The following ZNF746 variants were observed in gnomAD, a reference collection of about 807,000 sequenced individuals.
ZNF746 encodes parkin-interacting substrate.
In ZNF746, 13 loss-of-function variants were observed where a neutral mutation model predicts 41.0. The ratio of observed to expected loss-of-function variants is 0.32; its 90% confidence interval spans 0.21 to 0.50. ZNF746 has a LOEUF of 0.50. Among genes scored for constraint, ZNF746 ranks in the 20% least tolerant of loss-of-function variants. The probability of loss-of-function intolerance (pLI) is 0.98; values close to 1 mark genes in which losing one functional copy is unlikely to be tolerated. For missense variants in ZNF746, 811 were observed against 922.9 expected (o/e 0.88, Z 1.57); for synonymous variants, 424 against 396.2 (o/e 1.07, Z -0.83).
rs778587658 is a variant in ZNF746 at position 149,475,142 on chromosome 7, G to A, written c.1225C>T (p.Pro409Ser). The change falls in exon 7 of 7, where the codon CCG becomes TCG. Residue 409 changes from proline to serine, a missense_variant. Around this residue, in one of 4 missense-constraint regions of ZNF746, gnomAD observed 495 missense variants for 481.6 expected, o/e 1.03. Transcript: ENST00000458143. The stretch of plus-strand genomic sequence containing the variant: ...GGAAGCCCCTCGGGCCCCGTCCTCG[G>A]GTTCAGGCCCACTGGCGGTTTACAC... ...FRCKPPVGLN[P>S]RTGPEGLPYS... The A allele has an allele frequency of 5.0e-6, 8 of 1,612,586 alleles. No homozygotes were observed. In the Admixed American group the frequency reaches 1.3e-4, roughly 27 times the overall value.
intron 6 of ZNF746, among the ~76,000 whole-genome samples, 163 bp from the exon 7 acceptor site, chr7:149,475,646 G>A (rs1800276365): frequency 6.6e-6 from 1 of 152,184 alleles, no homozygotes; most frequent in African/African-American, 2.4e-5. Flanking sequence ...TGGTGGCTGT[G>A]AGGCTGCCTC....
Position 149,497,408 on chromosome 7 carries a change from C to A in ZNF746, c.24+105G>T. 9.9e-7 allele frequency: 1 copy of A among 1,014,956 alleles called. No individual in the cohort carries two copies. 62.9% of individuals were successfully genotyped at this position (1,014,956 alleles called of 1,614,324 possible). On this transcript the variant is annotated intron_variant, in intron 1 of 6. Transcript: ENST00000458143. This position sits in a 1 kb window ranked among gnomAD's most constrained non-coding sequence, Gnocchi z 4.2. ...GGGAGCCCCAGGCCCGGTGGTCCGG[C>A]CCGGACCCCGGAACCCCTCCCCAGG...
intron 6 of ZNF746, among the ~76,000 whole-genome samples, chr7:149,476,474 C>T (rs1800307318): frequency 6.6e-6 from 1 of 152,022 alleles, no homozygotes; most frequent in Non-Finnish European, 1.5e-5. Flanking sequence ...GACTGGTCTT[C>T]AAAACAGAAG....
intron 1 of ZNF746, among the ~76,000 whole-genome samples, chr7:149,495,467 G>C (rs1249445884): frequency 6.6e-6 from 1 of 152,124 alleles, no homozygotes; most frequent in Non-Finnish European, 1.5e-5. Context: ...CCGGCAGCTG[G>C]GACAAGGAAG....
Position 149,479,114 on chromosome 7 carries a change from A to C in ZNF746, c.566-1359T>G, listed in dbSNP as rs183898866. ...AAATGAGTAATGGCAATAGGTAAAG[A>C]AATAATGGTTGAGAATTTTCCAAAA... On this transcript the variant is annotated intron_variant, in intron 4 of 6. Coordinates refer to ENST00000458143, the MANE Select transcript of ZNF746 (RefSeq NM_001394198.1). Among the ~76,000 whole-genome samples, 269 of 151,940 alleles carry C rather than the reference A, an allele frequency of 1.8e-3. 1 individual carries two copies. Among genetic ancestry groups the C allele is most frequent in the Non-Finnish European group, 2.0e-3 (136 of 67,972 alleles).
chr7:149,483,818 C>T (rs1207801354), intron 4 of ZNF746, among the ~76,000 whole-genome samples: 2 of 152,010 alleles, frequency 1.3e-5, no homozygotes, highest in East Asian at 3.8e-4. Flanking sequence ...ACCAATTCAC[C>T]TCTAGCAAGG....
intron 6 of ZNF746, 132 bp downstream of exon 6, chr7:149,476,790 T>C: frequency 2.4e-6 from 3 of 1,242,394 alleles, no homozygotes; most frequent in Non-Finnish European, 3.5e-6. Context: ...CAAAGGGTCA[T>C]AAGAGTGCAG....
In ZNF746 at chr7:149,474,866, T is replaced by TGCCCGG; in HGVS notation, c.1495_1500dup (p.Pro499_Gly500dup). 1 of 1,469,264 alleles carries TGCCCGG rather than the reference T, an allele frequency of 6.8e-7. No homozygotes were observed. Among genetic ancestry groups the TGCCCGG allele is most frequent in the Non-Finnish European group, 9.0e-7 (1 of 1,117,250 alleles). 91.0% of individuals were successfully genotyped at this position (1,469,264 alleles called of 1,614,324 possible). A position where few individuals can be genotyped will look rare whatever the true frequency, so the allele number is the denominator to read the frequency against. On this transcript the variant is annotated inframe_insertion, in exon 7 of 7. Transcript: ENST00000458143. The surrounding 1 kb of genome is among the most constrained non-coding windows in gnomAD (Gnocchi z 6.3). ...CCACTGCCGCTGCCGCCACCGCCTG[T>TGCCCGG]GCCCGGGCCCGACCCGTCGGGCGCC...
intron 5 of ZNF746, 104 bp downstream of exon 5, chr7:149,477,460 G>C: frequency 7.6e-7 from 1 of 1,309,000 alleles, no homozygotes; most frequent in Non-Finnish European, 1.1e-6. Flanking sequence ...TGTCAGGCCG[G>C]AAGTGTTGAG....
Position 149,474,881 on chromosome 7 carries a change from C to G in ZNF746, c.1486G>C (p.Gly496Arg), listed in dbSNP as rs1467141815. ...CCACCGCCTGTGCCCGGGCCCGACC[C>G]GTCGGGCGCCCCACAGCTGCGCTGG... ...AHQRSCGAPD[G>R]SGPGTGGGGS... The change falls in exon 7 of 7, where the codon GGG (glycine) becomes CGG (arginine). Residue 496 changes from glycine (G) to arginine (R), a missense_variant. This residue lies in a region of ZNF746 where 495 missense variants were observed against 481.6 expected (regional missense o/e 1.03). Transcript: ENST00000458143. This position sits in a 1 kb window ranked among gnomAD's most constrained non-coding sequence, Gnocchi z 6.3. 1.3e-6 allele frequency: 2 copies of G among 1,509,932 alleles called. No homozygotes were observed. Among genetic ancestry groups the G allele is most frequent in the Middle Eastern group, 2.2e-4 (1 of 4,604 alleles). 93.5% of individuals were successfully genotyped at this position (1,509,932 alleles called of 1,614,324 possible).
Position 149,494,637 on chromosome 7 carries a change from T to C in ZNF746, c.25-134A>G, listed in dbSNP as rs1033893452. The C allele has an allele frequency of 4.6e-6, 4 of 874,912 alleles. No individual in the cohort carries two copies. The South Asian group carries it at 5.2e-5, about 11-fold the overall frequency. 54.2% of individuals were successfully genotyped at this position (874,912 alleles called of 1,614,324 possible). A position where few individuals can be genotyped will look rare whatever the true frequency, so the allele number is the denominator to read the frequency against. On this transcript the variant is annotated intron_variant, in intron 1 of 6. Coordinates refer to ENST00000458143, the MANE Select transcript of ZNF746 (RefSeq NM_001394198.1). The surrounding 1 kb of genome is among the most constrained non-coding windows in gnomAD (Gnocchi z 5.6). ...ACAAGTGGGGCTATCCTATACCACA[T>C]GCCAGATCTCAGGTTGGCCATCACC... is the stretch of plus-strand genomic sequence containing the variant.
At chr7:149,489,102 A>C (rs1800714286) in intron 4 of ZNF746, 1 of 152,218 alleles carries the variant, frequency 6.6e-6, no homozygotes, top group Admixed American at 6.5e-5. Context: ...AAACCGTATT[A>C]TATATTGTTT....
At chr7:149,484,741 T>C (rs1392224888) in intron 4 of ZNF746, among the ~76,000 whole-genome samples, 1 of 152,124 alleles carries the variant, frequency 6.6e-6, no homozygotes, top group Non-Finnish European at 1.5e-5. Flanking sequence ...ATAGATATGA[T>C]TAACTTTTCA....
In ZNF746 at chr7:149,491,702, G is replaced by T. The variant is rs34063059; in HGVS notation, c.565+1157C>A. 4.1e-3 allele frequency: 2,418 copies of T among 583,020 alleles called. 49 individuals are homozygous for T. Among genetic ancestry groups the T allele is most frequent in the African/African-American group, 0.041 (2,228 of 53,744 alleles). 36.1% of individuals were successfully genotyped at this position (583,020 alleles called of 1,614,324 possible). On this transcript the variant is annotated intron_variant, in intron 4 of 6. Coordinates refer to ENST00000458143, the MANE Select transcript of ZNF746 (RefSeq NM_001394198.1). ...ATGCATTTAATTTCACACAAGTGGC[G>T]CACAGGAGGGCCTCTGCGGACCACC... is the stretch of plus-strand genomic sequence containing the variant.
chr7:149,495,783 G>A (rs1474251663), intron 1 of ZNF746, among the ~76,000 whole-genome samples: 2 of 152,186 alleles, frequency 1.3e-5, no homozygotes, highest in Non-Finnish European at 2.9e-5. Flanking sequence ...ACTTGTCTAG[G>A]ACAGTGCTTA....
Position 149,474,553 on chromosome 7 carries a change from G to A in ZNF746, c.1814C>T (p.Ala605Val). The change falls in exon 7 of 7, where the codon GCA becomes GTA. Residue 605 changes from alanine to valine, a missense_variant. Around this residue, in one of 4 missense-constraint regions of ZNF746, gnomAD observed 99 missense variants for 80.3 expected, o/e 1.23. Transcript: ENST00000458143. This position sits in a 1 kb window ranked among gnomAD's most constrained non-coding sequence, Gnocchi z 6.3. The part of the protein sequence containing the change: ...DHLRKHQRNH[A>V]AGAKTPARGQ... ...TCGGGCCGGGGTCTTGGCGCCCGCT[G>A]CATGGTTGCGCTGGTGCTTGCGGAG... The A allele has an allele frequency of 6.2e-7, 1 of 1,609,626 alleles. No homozygotes were observed. The highest frequency in any genetic ancestry group is 8.5e-7 in the Non-Finnish European group (1 of 1,178,038).
Position 149,474,981 on chromosome 7 carries a change from C to A in ZNF746, c.1386G>T (p.Ala462=), listed in dbSNP as rs1429051255. Residue 462 remains alanine, a synonymous_variant, in exon 7 of 7, where the codon GCG becomes GCT. Coordinates refer to ENST00000458143, the MANE Select transcript of ZNF746 (RefSeq NM_001394198.1). The surrounding 1 kb of genome is among the most constrained non-coding windows in gnomAD (Gnocchi z 6.3). The stretch of plus-strand genomic sequence containing the variant: ...AGGTGAAGGGCCGGCCCCCGGGGGG[C>A]GCCGCGGGGTGCTTCTTCAGCCCTG... The part of the protein sequence containing the change: ...HKPGLKKHPA[A]PPGGRPFTCA... The A allele has an allele frequency of 1.3e-6, 2 of 1,547,732 alleles. No homozygotes were observed. The highest frequency in any genetic ancestry group is 1.4e-5 in the African/African-American group (1 of 73,062).
chr7:149,474,101 T>C lies in ZNF746; in HGVS notation c.*283A>G. ...GCCCTATTACTATTTTCCAGCTTTT[T>C]CCTCAAGAATTAAAAAAAAACAAAA... is the stretch of plus-strand genomic sequence containing the variant. On this transcript the variant is annotated 3_prime_UTR_variant, in exon 7 of 7. Transcript: ENST00000458143. The surrounding 1 kb of genome is among the most constrained non-coding windows in gnomAD (Gnocchi z 6.3). The C allele has an allele frequency of 2.1e-6, 1 of 466,534 alleles. No individual in the cohort carries two copies. Among genetic ancestry groups the C allele is most frequent in the South Asian group, 2.4e-5 (1 of 40,976 alleles). The allele number at this position is 466,534 out of a possible 1,614,324, so 28.9% of individuals were successfully genotyped here.
chr7:149,483,727 T>C (rs1330896690), intron 4 of ZNF746, among the ~76,000 whole-genome samples: 3 of 151,280 alleles, frequency 2.0e-5, no homozygotes, highest in Non-Finnish European at 4.4e-5. Context: ...ATAATACATA[T>C]AAGAGTATCA....
Sources: allele counts gnomAD v4.1 joint callset (sites outside exome capture counted in the v4.1 genomes callset), GRCh38; gene constraint gnomAD v4.1.1; regional missense constraint gnomAD v4.1.1; non-coding constraint Gnocchi (gnomAD v3.1); transcripts MANE v1.5; gene names NCBI Gene and HGNC (gene_info 2026-07-23, HGNC 2026-07-21).